Variants in DTWD2 observed in about 807,000 individuals in gnomAD.
DTWD2 encodes the protein DTW motif tRNA-uridine aminocarboxypropyltransferase 2, also known as tRNA-uridine aminocarboxypropyltransferase 2.
DTWD2 carries 39 observed loss-of-function variants against 31.8 expected under a neutral mutation model. That is an observed-to-expected ratio of 1.22 (90% CI 0.95 to 1.60). DTWD2 has a LOEUF of 1.60. DTWD2 is among the 40% of genes most tolerant of loss of function. The pLI, the probability that DTWD2 is intolerant of heterozygous loss-of-function variation, is 0.00. For missense variants in DTWD2, 515 were observed against 381.5 expected (o/e 1.35, Z -2.92); for synonymous variants, 180 against 142.8 (o/e 1.26, Z -1.86).
intron 4 of DTWD2, among the ~76,000 whole-genome samples, chr5:118,889,235 C>A (rs2149559127): frequency 6.6e-6 from 1 of 152,056 alleles, no homozygotes; most frequent in Middle Eastern, 3.4e-3. Context: ...AATAACAAGC[C>A]AAGAAAAATT....
chr5:118,984,665 T>C (rs1472108518), intron 1 of DTWD2, among the ~76,000 whole-genome samples: 1 of 152,176 alleles, frequency 6.6e-6, no homozygotes, highest in Non-Finnish European at 1.5e-5. Flanking sequence ...AAAACTTCCA[T>C]CTCAGGGTCT....
chr5:118,974,050 G>T, intron 1 of DTWD2: 2 of 1,605,892 alleles, frequency 1.2e-6, no homozygotes, highest in South Asian at 1.1e-5. Context: ...AGACAGCTAC[G>T]GGCAAGCGGG....
At chr5:118,870,657 T>C (rs533423155) in intron 4 of DTWD2, among the ~76,000 whole-genome samples, 1 of 152,314 alleles carries the variant, frequency 6.6e-6, no homozygotes, top group Admixed American at 6.5e-5. Context: ...TGGAGGGTCT[T>C]GTCTCAAAGT....
At chr5:118,939,947 G>T (rs1026613533) in intron 2 of DTWD2, among the ~76,000 whole-genome samples, 3 of 152,118 alleles carry the variant, frequency 2.0e-5, no homozygotes, top group African/African-American at 7.2e-5. Flanking sequence ...TGGGGGAGAA[G>T]AAACAAATCT....
At chr5:118,868,225 G>C (rs956064054) in intron 4 of DTWD2, among the ~76,000 whole-genome samples, 2 of 151,872 alleles carry the variant, frequency 1.3e-5, no homozygotes, top group Non-Finnish European at 2.9e-5. Context: ...AAAGAATGTT[G>C]TTGGGCCCTT....
At chr5:118,886,423 G>A (rs969641222) in intron 4 of DTWD2, among the ~76,000 whole-genome samples, 13 of 152,164 alleles carry the variant, frequency 8.5e-5, no homozygotes, top group Non-Finnish European at 1.9e-4. Flanking sequence ...GGAAATAGTG[G>A]GAAGAAAAGT....
intron 4 of DTWD2, among the ~76,000 whole-genome samples, chr5:118,859,687 T>C (rs147244054): frequency 2.6e-3 from 397 of 152,278 alleles, no homozygotes; most frequent in Non-Finnish European, 4.5e-3. Context: ...CATAGTCAAA[T>C]TGTGTAATAA....
At chr5:118,861,702 C>T (rs1017246615) in intron 4 of DTWD2, among the ~76,000 whole-genome samples, 3 of 152,032 alleles carry the variant, frequency 2.0e-5, no homozygotes, top group Admixed American at 2.0e-4. Context: ...GCAGAGACAG[C>T]AGGGGAGAAG....
intron 4 of DTWD2, among the ~76,000 whole-genome samples, chr5:118,875,042 T>C (rs573137441): frequency 3.3e-5 from 5 of 152,194 alleles, no homozygotes; most frequent in East Asian, 3.9e-4. Context: ...CCAGAAGAAA[T>C]TGGAGGCCAA....
At chr5:118,864,420 T>A (rs1043462061) in intron 4 of DTWD2, among the ~76,000 whole-genome samples, 2 of 150,804 alleles carry the variant, frequency 1.3e-5, no homozygotes, top group African/African-American at 4.9e-5. Context: ...TTAGGAGATA[T>A]ACCTAATGCT....
intron 1 of DTWD2, among the ~76,000 whole-genome samples, chr5:118,972,976 T>C (rs1378726429): frequency 1.3e-5 from 2 of 152,236 alleles, no homozygotes; most frequent in Non-Finnish European, 2.9e-5. Flanking sequence ...CCCTTTGCCA[T>C]TATGTAATGC....
rs201681130 is a variant in DTWD2 at position 118,988,413 on chromosome 5, C to G, written c.99G>C (p.Glu33Asp). The change falls in exon 1 of 6, where the codon GAG becomes GAC. Residue 33 changes from glutamate (E) to aspartate (D), a missense_variant. Transcript: ENST00000510708. Reference sequence around the variant, plus strand: ...CAGCCGCCGCCGGCACTGCGCCGCCCTCCCGCCGCTCCTTGTCGTTCGGCG... The same window carrying G: ...CAGCCGCCGCCGGCACTGCGCCGCCGTCCCGCCGCTCCTTGTCGTTCGGCG... Reference protein sequence around the residue: ...SQTPNDKERREGGAVPAAAAL... With the variant: ...SQTPNDKERRDGGAVPAAAAL... The G allele has an allele frequency of 1.3e-4, 214 of 1,602,886 alleles. 1 individual carries two copies. The African/African-American group carries it at 2.3e-3, about 17-fold the overall frequency.
intron 4 of DTWD2, among the ~76,000 whole-genome samples, chr5:118,901,631 A>G (rs776221638): frequency 6.6e-6 from 1 of 152,228 alleles, no homozygotes; most frequent in Non-Finnish European, 1.5e-5. Flanking sequence ...GAGAGTATCT[A>G]GTAAGTATTA....
intron 1 of DTWD2, among the ~76,000 whole-genome samples, chr5:118,972,726 T>C (rs1755015610): frequency 6.6e-6 from 1 of 152,140 alleles, no homozygotes; most frequent in Non-Finnish European, 1.5e-5. Context: ...AAATCCTCAA[T>C]AAAATACTGG....
intron 5 of DTWD2, among the ~76,000 whole-genome samples, chr5:118,841,519 A>C (rs1751713078): frequency 6.6e-6 from 1 of 152,236 alleles, no homozygotes; most frequent in African/African-American, 2.4e-5. Flanking sequence ...CAACAATTAG[A>C]TGATGGCAGC....
At chr5:118,888,432 T>C (rs1205360886) in intron 4 of DTWD2, among the ~76,000 whole-genome samples, 3 of 152,246 alleles carry the variant, frequency 2.0e-5, no homozygotes, top group Non-Finnish European at 2.9e-5. Flanking sequence ...TGTGTATCAA[T>C]AGTGCACTGT....
At chr5:118,852,065 T>C (rs1752021608) in intron 4 of DTWD2, among the ~76,000 whole-genome samples, 1 of 152,148 alleles carries the variant, frequency 6.6e-6, no homozygotes, top group Non-Finnish European at 1.5e-5. Flanking sequence ...AGTATTAATA[T>C]CAATATTCCT....
At chr5:118,897,795 G>T (rs1753115502) in intron 4 of DTWD2, among the ~76,000 whole-genome samples, 1 of 152,300 alleles carries the variant, frequency 6.6e-6, no homozygotes, top group South Asian at 2.1e-4. Context: ...TAAAACAAAT[G>T]TACTATGTAA....
At chr5:118,955,678 G>A (rs1754568415) in intron 1 of DTWD2, among the ~76,000 whole-genome samples, 1 of 151,920 alleles carries the variant, frequency 6.6e-6, no homozygotes, top group Non-Finnish European at 1.5e-5. Flanking sequence ...ATAGCAGGGT[G>A]CAGCTACTCA....
Sources: allele counts gnomAD v4.1 joint callset (sites outside exome capture counted in the v4.1 genomes callset), GRCh38; gene constraint gnomAD v4.1.1; transcripts MANE v1.5; gene names NCBI Gene and HGNC (gene_info 2026-07-23, HGNC 2026-07-21).